Variants in RNGTT observed in about 807,000 individuals in gnomAD.
RNGTT encodes the protein RNA guanylyltransferase and 5'-phosphatase.
Under a neutral mutation model 79.3 loss-of-function variants are expected in RNGTT, and 33 were observed. The ratio of observed to expected loss-of-function variants is 0.42; its 90% confidence interval spans 0.32 to 0.56. The LOEUF (loss-of-function observed/expected upper bound fraction) is 0.56. RNGTT is among the 20% of genes least tolerant of loss of function. RNGTT has a pLI of 0.17. For missense variants in RNGTT, 497 were observed against 739.1 expected (o/e 0.67, Z 3.80); for synonymous variants, 222 against 235.9 (o/e 0.94, Z 0.54).
chr6:88,689,776 A>T (rs1562196418), intron 13 of RNGTT, among the ~76,000 whole-genome samples: 1 of 152,032 alleles, frequency 6.6e-6, no homozygotes, highest in Non-Finnish European at 1.5e-5. Flanking sequence ...TGCAAGCAAA[A>T]AACATCAAAA....
intron 2 of RNGTT, among the ~76,000 whole-genome samples, chr6:88,938,581 G>A (rs1784743651): frequency 6.6e-6 from 1 of 151,940 alleles, no homozygotes. Context: ...ATTAATTTCT[G>A]GTTGTTTTGT....
chr6:88,880,324 C>T (rs967536094), intron 8 of RNGTT, among the ~76,000 whole-genome samples: 2 of 152,130 alleles, frequency 1.3e-5, no homozygotes, highest in African/African-American at 2.4e-5. Flanking sequence ...ATGTACCTCA[C>T]CTACTTAAAC....
intron 13 of RNGTT, among the ~76,000 whole-genome samples, chr6:88,682,032 T>C (rs544276334): frequency 4.6e-5 from 7 of 152,266 alleles, no homozygotes; most frequent in Non-Finnish European, 7.4e-5. Context: ...AGCCCCAAAA[T>C]TGTTTCCAGA....
chr6:88,702,455 G>A (rs546560990), intron 13 of RNGTT, among the ~76,000 whole-genome samples: 57 of 152,250 alleles, frequency 3.7e-4, no homozygotes, highest in African/African-American at 1.3e-3. Context: ...AATAAGCAAT[G>A]AGGAAAGGAC....
intron 8 of RNGTT, among the ~76,000 whole-genome samples, chr6:88,888,069 A>T (rs930619836): frequency 1.3e-5 from 2 of 152,196 alleles, no homozygotes; most frequent in Non-Finnish European, 2.9e-5. Flanking sequence ...GTGAGCAATC[A>T]CTGTGCCACT....
chr6:88,855,379 A>C (rs1781811075), intron 8 of RNGTT, among the ~76,000 whole-genome samples: 1 of 152,176 alleles, frequency 6.6e-6, no homozygotes, highest in African/African-American at 2.4e-5. Flanking sequence ...GAGCTGATGA[A>C]GGGAAAACAA....
intron 14 of RNGTT, among the ~76,000 whole-genome samples, chr6:88,621,289 T>G (rs1399479575): frequency 6.6e-6 from 1 of 152,194 alleles, no homozygotes; most frequent in South Asian, 2.1e-4. Context: ...GAAGTTAATT[T>G]CATTAACTCT....
intron 8 of RNGTT, among the ~76,000 whole-genome samples, chr6:88,854,656 T>G (rs1040364290): frequency 6.6e-6 from 1 of 152,248 alleles, no homozygotes; most frequent in African/African-American, 2.4e-5. Flanking sequence ...TCTTCTCATT[T>G]ATGACTATAA....
chr6:88,825,677 T>C lies in RNGTT; in HGVS notation c.1269+18680A>G, dbSNP rs1278098996. Among the ~76,000 whole-genome samples, 3 of 152,224 alleles carry C rather than the reference T, an allele frequency of 2.0e-5. No homozygotes were observed. The East Asian group carries it at 5.8e-4, about 29-fold the overall frequency. On this transcript the variant is annotated intron_variant, in intron 11 of 15. Coordinates refer to ENST00000369485, the MANE Select transcript of RNGTT (RefSeq NM_003800.5). Reference sequence around the variant, plus strand: ...CAAACTTTGTTATACAGTGGTACTGTTTCTTCCACTGCAAAGCACAGTGTG... The same window carrying C: ...CAAACTTTGTTATACAGTGGTACTGCTTCTTCCACTGCAAAGCACAGTGTG...
At chr6:88,771,282 A>G (rs1045448259) in intron 12 of RNGTT, among the ~76,000 whole-genome samples, 5 of 136,978 alleles carry the variant, frequency 3.7e-5, no homozygotes, top group South Asian at 4.7e-4. Context: ...TATGGTATGA[A>G]GCACAGGACT....
intron 14 of RNGTT, among the ~76,000 whole-genome samples, chr6:88,664,330 C>T (rs1205278611): frequency 6.6e-6 from 1 of 152,144 alleles, no homozygotes; most frequent in Non-Finnish European, 1.5e-5. Flanking sequence ...ACCCAGACAG[C>T]CCTGAAAATC....
intron 8 of RNGTT, among the ~76,000 whole-genome samples, chr6:88,866,309 C>T (rs936607472): frequency 6.6e-6 from 1 of 152,116 alleles, no homozygotes; most frequent in Non-Finnish European, 1.5e-5. Context: ...TGCACTTACA[C>T]ACGTTTATAC....
rs557115210 is a variant in RNGTT at position 88,891,795 on chromosome 6, A to G, written c.794+11T>C. ...GCAAATTTTATTTAAAAATTTAAAA[A>G]TATTTATTACCCTTCCCAGCCACAG... On this transcript the variant is annotated intron_variant, in intron 7 of 15. Coordinates refer to ENST00000369485, the MANE Select transcript of RNGTT (RefSeq NM_003800.5). 115 of 1,501,350 alleles carry G rather than the reference A, an allele frequency of 7.7e-5. 2 individuals are homozygous for G. In the East Asian group the frequency reaches 2.0e-3, roughly 26 times the overall value. 93.0% of individuals were successfully genotyped at this position (1,501,350 alleles called of 1,614,324 possible).
chr6:88,929,904 A>C (rs930091668), intron 2 of RNGTT, among the ~76,000 whole-genome samples: 12 of 148,024 alleles, frequency 8.1e-5, no homozygotes, highest in South Asian at 4.2e-4. Context: ...ATATGTATAC[A>C]TATGCATATA....
At chr6:88,801,690 T>A in intron 11 of RNGTT, 58 bp from the exon 12 acceptor site, 1 of 1,150,606 alleles carries the variant, frequency 8.7e-7, no homozygotes, top group Non-Finnish European at 1.3e-6. Context: ...TAAAAGTATT[T>A]AAACTTCTTG....
intron 4 of RNGTT, among the ~76,000 whole-genome samples, chr6:88,909,544 T>C (rs1582119108): frequency 2.6e-5 from 4 of 152,152 alleles, no homozygotes; most frequent in Admixed American, 2.6e-4. Flanking sequence ...GCTTGAATCA[T>C]ATCTAAGCGA....
At chr6:88,817,490 TA>T (rs11354100) in intron 11 of RNGTT, among the ~76,000 whole-genome samples, 6,011 of 44,592 alleles carry the variant, frequency 0.13, 163 homozygotes, top group Non-Finnish European at 0.16. Context: ...AAAAAATAAG[TA>T]AAAAAAAAAA....
At chr6:88,679,863 C>G (rs1775023413) in intron 13 of RNGTT, among the ~76,000 whole-genome samples, 1 of 152,122 alleles carries the variant, frequency 6.6e-6, no homozygotes, top group Non-Finnish European at 1.5e-5. Context: ...GGATACAACT[C>G]CAGTCTGAAC....
intron 14 of RNGTT, among the ~76,000 whole-genome samples, chr6:88,642,038 AG>A (rs1368186121): frequency 3.9e-5 from 6 of 152,170 alleles, no homozygotes; most frequent in Non-Finnish European, 8.8e-5. Flanking sequence ...TGAGAGAGAG[AG>A]AGAGAGAGAG....
Sources: allele counts gnomAD v4.1 joint callset (sites outside exome capture counted in the v4.1 genomes callset), GRCh38; gene constraint gnomAD v4.1.1; transcripts MANE v1.5; gene names NCBI Gene and HGNC (gene_info 2026-07-23, HGNC 2026-07-21).